Variants in ST6GAL2 observed in about 807,000 individuals in gnomAD.
The protein encoded by ST6GAL2 is beta-galactoside alpha-2,6-sialyltransferase 2.
In ST6GAL2, 24 loss-of-function variants were observed where a neutral mutation model predicts 37.5. The ratio of observed to expected loss-of-function variants is 0.64; its 90% CI spans 0.46 to 0.90. ST6GAL2 has a LOEUF of 0.90. ST6GAL2 is among the 40% of genes least tolerant of loss of function. The pLI is 0.00. For missense variants in ST6GAL2, 715 were observed against 712.7 expected (o/e 1.00, Z -0.04); for synonymous variants, 306 against 295.1 (o/e 1.04, Z -0.38).
intron 4 of ST6GAL2, among the ~76,000 whole-genome samples, chr2:106,832,348 C>T (rs550330831): frequency 1.3e-5 from 2 of 152,274 alleles, no homozygotes; most frequent in African/African-American, 2.4e-5. Flanking sequence ...CCCTGCCCAC[C>T]GATTCTGCAC....
intron 5 of ST6GAL2, among the ~76,000 whole-genome samples, chr2:106,827,347 G>A (rs1046071355): frequency 6.6e-6 from 1 of 152,138 alleles, no homozygotes; most frequent in Non-Finnish European, 1.5e-5. Context: ...AAGAAGAGGG[G>A]CAAAGACTAC....
Position 106,830,218 on chromosome 2 carries a change from T to C in ST6GAL2, c.1166A>G (p.Asn389Ser). ...LNLWYKKPDY[N>S]LFTPYIQHRQ... ...ATGCTGAATATATGGAGTGAACAGG[T>C]TGTAATCCGGTTTTTTGTACCACTA... Residue 389 changes from asparagine to serine, a missense_variant, in exon 5 of 6, where the codon AAC becomes AGC. Asn to Ser is a conservative substitution (Grantham distance 46). This residue lies in a region of ST6GAL2 where 198 missense variants were observed against 203.6 expected (regional missense o/e 0.97). Transcript: ENST00000409382. The C allele has an allele frequency of 1.9e-6, 3 of 1,611,282 alleles. No individual in the cohort carries two copies. The highest frequency in any genetic ancestry group is 2.5e-6 in the Non-Finnish European group (3 of 1,179,132).
intron 3 of ST6GAL2, 70 bp downstream of exon 3, chr2:106,833,979 C>G: frequency 2.5e-6 from 3 of 1,182,640 alleles, no homozygotes; most frequent in South Asian, 2.5e-5. Flanking sequence ...TCCGGTTAAA[C>G]TCATTTCTCT....
At chr2:106,872,907 C>T (rs559880547) in intron 1 of ST6GAL2, among the ~76,000 whole-genome samples, 151 of 151,808 alleles carry the variant, frequency 9.9e-4, no homozygotes, top group Admixed American at 4.5e-3. Flanking sequence ...TTTTTTATTT[C>T]GATTCTAGTA....
At chr2:106,827,460 C>T (rs571667234) in intron 5 of ST6GAL2, among the ~76,000 whole-genome samples, 11 of 152,232 alleles carry the variant, frequency 7.2e-5, no homozygotes, top group Admixed American at 5.2e-4. Context: ...ACATGCTTCA[C>T]CATGACAAGG....
chr2:106,877,558 C>G (rs1678558739), intron 1 of ST6GAL2, among the ~76,000 whole-genome samples: 1 of 152,152 alleles, frequency 6.6e-6, no homozygotes, highest in African/African-American at 2.4e-5. Flanking sequence ...CTATTTCTCC[C>G]CCACCTTAGA....
intron 5 of ST6GAL2, among the ~76,000 whole-genome samples, chr2:106,814,034 A>G (rs1050087028): frequency 2.6e-5 from 4 of 152,346 alleles, no homozygotes; most frequent in African/African-American, 9.6e-5. Context: ...TAGTTCTAGA[A>G]AATATTTGTA....
intron 1 of ST6GAL2, 138 bp downstream of exon 1, chr2:106,885,955 T>C (rs1389593921): frequency 6.6e-6 from 1 of 152,438 alleles, no homozygotes; most frequent in African/African-American, 2.4e-5. Context: ...TTTCCTGCTT[T>C]TCCCCAAACC....
intron 2 of ST6GAL2, among the ~76,000 whole-genome samples, chr2:106,841,438 T>C (rs545414965): frequency 2.9e-4 from 44 of 152,310 alleles, no homozygotes; most frequent in African/African-American, 7.2e-4. Context: ...TATCTGGACT[T>C]GAGGCTGACG....
chr2:106,821,471 A>G (rs1268767173), intron 5 of ST6GAL2, among the ~76,000 whole-genome samples: 1 of 151,722 alleles, frequency 6.6e-6, no homozygotes, highest in African/African-American at 2.4e-5. Flanking sequence ...ATTGAGTTAT[A>G]AAGAAATCCA....
chr2:106,828,168 C>T (rs759512786), intron 5 of ST6GAL2, among the ~76,000 whole-genome samples: 1 of 152,060 alleles, frequency 6.6e-6, no homozygotes, highest in Non-Finnish European at 1.5e-5. Context: ...TTTTTAAACC[C>T]CATGTTGATA....
intron 5 of ST6GAL2, among the ~76,000 whole-genome samples, chr2:106,827,716 C>G (rs905723301): frequency 1.3e-5 from 2 of 152,184 alleles, no homozygotes; most frequent in Non-Finnish European, 2.9e-5. Context: ...CCATCAGGAG[C>G]ACACGGTGAC....
chr2:106,883,995 G>C (rs1014537248), intron 1 of ST6GAL2, among the ~76,000 whole-genome samples: 1 of 152,130 alleles, frequency 6.6e-6, no homozygotes, highest in African/African-American at 2.4e-5. Context: ...TTTCAGAAAA[G>C]ATTTAATCAT....
chr2:106,887,122 A>C (rs1213454843), upstream of ST6GAL2: 2 of 151,990 alleles, frequency 1.3e-5, no homozygotes, highest in African/African-American at 4.8e-5. Context: ...GTCTTTGTGT[A>C]CCCTGTCCAA....
chr2:106,840,397 G>A (rs1437421401), intron 2 of ST6GAL2, among the ~76,000 whole-genome samples: 2 of 152,154 alleles, frequency 1.3e-5, no homozygotes, highest in Non-Finnish European at 2.9e-5. Flanking sequence ...AAGGAGCGAG[G>A]TCGGCACCTG....
At chr2:106,863,051 T>C (rs910932700) in intron 1 of ST6GAL2, among the ~76,000 whole-genome samples, 6 of 152,114 alleles carry the variant, frequency 3.9e-5, no homozygotes, top group Non-Finnish European at 8.8e-5. Context: ...TTTTCTCCCT[T>C]GGTGGTTTGC....
rs139358248 is a variant in ST6GAL2, at chr2:106,877,066, C to A, written c.-58+9027G>T. ...TTTTCTCCTCCCACATTCCATTTGA[C>A]ATCATGCAGAGATGTTCATTTGACA... On this transcript the variant is annotated intron_variant, in intron 1 of 5. Coordinates refer to ENST00000409382, the MANE Select transcript of ST6GAL2 (RefSeq NM_001142351.2). Among the ~76,000 whole-genome samples the A allele has an allele frequency of 2.2e-3, 329 of 152,306 alleles. 2 individuals carry two copies. The Middle Eastern group carries it at 0.024, about 11-fold the overall frequency.
In ST6GAL2 at chr2:106,806,706, G is replaced by A. The variant is rs766262183; in HGVS notation, c.1562C>T (p.Ala521Val). The change falls in exon 6 of 6, where the codon GCA (alanine) becomes GTA (valine). Residue 521 changes from alanine (A) to valine (V), a missense_variant. Transcript: ENST00000409382. ...LPGFQAVHCP[A>V]PSPVIPHS ...AGAGTGTGGAATGACTGGACTTGGT[G>A]CAGGGCAGTGCACCGCCTGGAAGCC... 2.2e-5 allele frequency: 36 copies of A among 1,614,024 alleles called. No individual in the cohort carries two copies. Among genetic ancestry groups the A allele is most frequent in the Non-Finnish European group, 2.8e-5 (33 of 1,180,036 alleles).
At chr2:106,881,614 C>T (rs1412444901) in intron 1 of ST6GAL2, among the ~76,000 whole-genome samples, 1 of 152,190 alleles carries the variant, frequency 6.6e-6, no homozygotes, top group Non-Finnish European at 1.5e-5. Flanking sequence ...AAGAGACTTA[C>T]CCTTTCCCAT....
Sources: gnomAD v4.1 joint callset for allele counts (sites outside exome capture counted in the v4.1 genomes callset) on GRCh38, gnomAD v4.1.1 for gene constraint, gnomAD v4.1.1 regional missense constraint, MANE v1.5 for transcripts, NCBI Gene and HGNC (gene_info 2026-07-23, HGNC 2026-07-21) for gene names.